Variants in CACNA2D1 observed in about 807,000 individuals in gnomAD.
CACNA2D1 encodes voltage-dependent calcium channel subunit alpha-2/delta-1.
CACNA2D1 carries 53 observed loss-of-function variants against 171.5 expected under a neutral mutation model. The observed-to-expected ratio is 0.31, with a 90% confidence interval of 0.25 to 0.39. The LOEUF (loss-of-function observed/expected upper bound fraction) is 0.39. CACNA2D1 is among the 10% of genes least tolerant of loss of function. The probability of loss-of-function intolerance (pLI) is 1.00; values close to 1 mark genes in which losing one functional copy is unlikely to be tolerated. For synonymous variants in CACNA2D1, 442 were observed against 443.1 expected (o/e 1.00, Z 0.03); for missense variants, 903 against 1,299.8 (o/e 0.69, Z 4.69).
At chr7:82,052,141 C>G (rs1805263923) in intron 10 of CACNA2D1, among the ~76,000 whole-genome samples, 1 of 152,096 alleles carries the variant, frequency 6.6e-6, no homozygotes, top group Non-Finnish European at 1.5e-5. Context: ...AGATTGCATC[C>G]TGAGTCTTTG....
At chr7:82,260,063 A>T (rs1202067019) in intron 3 of CACNA2D1, among the ~76,000 whole-genome samples, 1 of 152,086 alleles carries the variant, frequency 6.6e-6, no homozygotes, top group Non-Finnish European at 1.5e-5. Context: ...CTCTACTAAA[A>T]ATACACAAAT....
At chr7:82,222,682 C>T (rs1166830026) in intron 3 of CACNA2D1, among the ~76,000 whole-genome samples, 2 of 151,912 alleles carry the variant, frequency 1.3e-5, no homozygotes, top group Non-Finnish European at 2.9e-5. Context: ...TTAACATGGG[C>T]TATTATAATT....
intron 3 of CACNA2D1, among the ~76,000 whole-genome samples, chr7:82,286,573 T>C (rs1003800509): frequency 6.6e-6 from 1 of 152,196 alleles, no homozygotes; most frequent in African/African-American, 2.4e-5. Flanking sequence ...TCTGAAGTCC[T>C]GTTTCTAGCT....
intron 1 of CACNA2D1, among the ~76,000 whole-genome samples, chr7:82,403,828 G>A (rs566361564): frequency 6.6e-6 from 1 of 152,264 alleles, no homozygotes; most frequent in South Asian, 2.1e-4. Flanking sequence ...CCACTACGTA[G>A]CAGGATGAAG....
chr7:82,010,212 C>T (rs1799614921), intron 15 of CACNA2D1, among the ~76,000 whole-genome samples: 1 of 151,956 alleles, frequency 6.6e-6, no homozygotes, highest in South Asian at 2.1e-4. Flanking sequence ...TTTACCTTTT[C>T]CTTTTTAATA....
chr7:82,244,058 G>A (rs1367051031), intron 3 of CACNA2D1, among the ~76,000 whole-genome samples: 1 of 152,146 alleles, frequency 6.6e-6, no homozygotes, highest in East Asian at 1.9e-4. Flanking sequence ...CTTTAAGTGA[G>A]AGGGGAGTTT....
intron 4 of CACNA2D1, among the ~76,000 whole-genome samples, chr7:82,159,542 A>C (rs909451044): frequency 1.3e-5 from 2 of 151,878 alleles, no homozygotes; most frequent in Non-Finnish European, 2.9e-5. Context: ...ATCCTAAAAT[A>C]AAAGGAATAA....
chr7:82,159,911 GAAGA>G (rs984409791), intron 4 of CACNA2D1, among the ~76,000 whole-genome samples: 27 of 121,242 alleles, frequency 2.2e-4, no homozygotes, highest in Middle Eastern at 3.7e-3. Flanking sequence ...TGTTCCTGAT[GAAGA>G]GAGAACATAC....
rs1263654538 is a variant in CACNA2D1 at position 82,060,174 on chromosome 7, ATATAAT to A, written c.879+248_879+253del. ...TGTATTATATATATATAATATATAT[ATATAAT>A]ATATATATATTATATATATATTATA... On this transcript the variant is annotated intron_variant, in intron 10 of 38. Coordinates refer to ENST00000356860, the MANE Select transcript of CACNA2D1 (RefSeq NM_000722.4). Among the ~76,000 whole-genome samples, 2 of 31,896 alleles carry A rather than the reference ATATAAT, an allele frequency of 6.3e-5. 1 individual carries two copies. The highest frequency in any genetic ancestry group is 2.4e-4 in the African/African-American group (2 of 8,392). The allele number at this position is 31,896 out of a possible 152,430, so 20.9% of individuals were successfully genotyped here.
At chr7:82,019,836 A>G (rs376383964) in intron 12 of CACNA2D1, among the ~76,000 whole-genome samples, 3 of 152,196 alleles carry the variant, frequency 2.0e-5, no homozygotes, top group African/African-American at 7.2e-5. Context: ...AAATAAAATA[A>G]AAACTTCAGC....
At chr7:81,987,848 C>T (rs570516598) in intron 21 of CACNA2D1, among the ~76,000 whole-genome samples, 14 of 152,192 alleles carry the variant, frequency 9.2e-5, no homozygotes, top group African/African-American at 3.4e-4. Context: ...AGGACAGATA[C>T]ATTGGGTTAG....
At chr7:82,175,248 T>C (rs1456670002) in intron 3 of CACNA2D1, among the ~76,000 whole-genome samples, 1 of 152,068 alleles carries the variant, frequency 6.6e-6, no homozygotes, top group Non-Finnish European at 1.5e-5. Context: ...CTTGTTTATA[T>C]ACAAAGATTT....
intron 1 of CACNA2D1, among the ~76,000 whole-genome samples, chr7:82,410,997 T>C (rs963528446): frequency 6.6e-6 from 1 of 152,248 alleles, no homozygotes; most frequent in African/African-American, 2.4e-5. Flanking sequence ...TTCACATGTA[T>C]TATTCTGGAA....
intron 21 of CACNA2D1, among the ~76,000 whole-genome samples, chr7:81,988,875 T>G (rs1322278758): frequency 6.6e-6 from 1 of 152,190 alleles, no homozygotes; most frequent in Non-Finnish European, 1.5e-5. Context: ...GAACAGATGA[T>G]AATCAGTAGA....
At chr7:82,224,829 G>A (rs970508590) in intron 3 of CACNA2D1, among the ~76,000 whole-genome samples, 4 of 151,980 alleles carry the variant, frequency 2.6e-5, no homozygotes, top group African/African-American at 7.2e-5. Context: ...CTTTTATTTG[G>A]ATGTGAAATT....
chr7:82,059,627 C>G (rs1806356434), intron 10 of CACNA2D1, among the ~76,000 whole-genome samples: 1 of 151,894 alleles, frequency 6.6e-6, no homozygotes, highest in East Asian at 1.9e-4. Flanking sequence ...TATTTATAGT[C>G]ATTACTTCAA....
intron 8 of CACNA2D1, among the ~76,000 whole-genome samples, chr7:82,065,698 AG>A (rs2128983959): frequency 6.6e-6 from 1 of 152,276 alleles, no homozygotes; most frequent in African/African-American, 2.4e-5. Context: ...TCCAATAATA[AG>A]GGATTTCATA....
intron 7 of CACNA2D1, among the ~76,000 whole-genome samples, chr7:82,081,776 G>A (rs1185955782): frequency 6.6e-6 from 1 of 152,150 alleles, no homozygotes; most frequent in African/African-American, 2.4e-5. Flanking sequence ...CATCTACTGT[G>A]CCTGCTGGTC....
intron 3 of CACNA2D1, among the ~76,000 whole-genome samples, chr7:82,197,905 T>C (rs1427482227): frequency 6.7e-6 from 1 of 150,164 alleles, no homozygotes; most frequent in African/African-American, 2.4e-5. Context: ...TATGACATTA[T>C]GCACACACAC....
Sources: gnomAD v4.1 joint callset for allele counts (sites outside exome capture counted in the v4.1 genomes callset) on GRCh38, gnomAD v4.1.1 for gene constraint, MANE v1.5 for transcripts, NCBI Gene and HGNC (gene_info 2026-07-23, HGNC 2026-07-21) for gene names.